The following ZNF578 variants were observed in gnomAD, a reference collection of about 807,000 sequenced individuals.
The protein encoded by ZNF578 is Putative chemokine-related protein B42.
In ZNF578, 8 loss-of-function variants were observed where a neutral mutation model predicts 8.3. The ratio of observed to expected loss-of-function variants is 0.96; its 90% CI spans 0.56 to 1.74. ZNF578 has a LOEUF of 1.74. ZNF578 is among the 40% of genes most tolerant of loss of function. The probability of loss-of-function intolerance (pLI) is 0.00; values close to 1 mark genes in which losing one functional copy is unlikely to be tolerated. For synonymous variants in ZNF578, 206 were observed against 232.2 expected (o/e 0.89, Z 1.03); for missense variants, 726 against 707.5 (o/e 1.03, Z -0.30).
chr19:52,506,859 C>T (rs1365558537), intron 5 of ZNF578, among the ~76,000 whole-genome samples: 3 of 152,216 alleles, frequency 2.0e-5, no homozygotes, highest in Non-Finnish European at 4.4e-5. Flanking sequence ...ACAGGACAGA[C>T]TCTAAACTTC....
chr19:52,492,388 C>T, intron 3 of ZNF578, among the ~76,000 whole-genome samples: 1 of 152,160 alleles, frequency 6.6e-6, no homozygotes, highest in Non-Finnish European at 1.5e-5. Context: ...CCTGAGCACT[C>T]AGTCCCGCAT....
Position 52,511,886 on chromosome 19 carries a change from G to T in ZNF578, c.1505G>T (p.Arg502Leu). ...FSHRSSLPCH[R>L]RLHSGEKPYK... The stretch of plus-strand genomic sequence containing the variant: ...CACAGGTCATCTCTTCCATGCCATC[G>T]TAGACTTCATAGTGGTGAGAAACCT... The change falls in exon 6 of 6, where the codon CGT becomes CTT. Residue 502 changes from arginine (R) to leucine (L), a missense_variant. Physicochemically the swap from Arg to Leu is moderately radical, Grantham distance 102. Coordinates refer to ENST00000421239, the MANE Select transcript of ZNF578 (RefSeq NM_001099694.2). 1 of 1,612,538 alleles carries T rather than the reference G, an allele frequency of 6.2e-7. No individual in the cohort carries two copies. Among genetic ancestry groups the T allele is most frequent in the South Asian group, 1.1e-5 (1 of 91,012 alleles).
At chr19:52,492,392 C>T (rs1424749787) in intron 3 of ZNF578, among the ~76,000 whole-genome samples, 1 of 152,118 alleles carries the variant, frequency 6.6e-6, no homozygotes, top group East Asian at 1.9e-4. Context: ...AGCACTCAGT[C>T]CCGCATCCCA....
intron 2 of ZNF578, among the ~76,000 whole-genome samples, chr19:52,464,203 A>T (rs867562906): frequency 1.4e-4 from 22 of 152,224 alleles, no homozygotes; most frequent in African/African-American, 5.3e-4. Context: ...AATCACCATT[A>T]GGGAGTGCAA....
intron 2 of ZNF578, among the ~76,000 whole-genome samples, chr19:52,471,912 T>C (rs2059292950): frequency 1.4e-5 from 2 of 143,656 alleles, no homozygotes; most frequent in Non-Finnish European, 3.0e-5. Context: ...AGAAAATGTA[T>C]GAAGATTAGT....
At chr19:52,465,791 C>T (rs2059273073) in intron 2 of ZNF578, among the ~76,000 whole-genome samples, 1 of 152,222 alleles carries the variant, frequency 6.6e-6, no homozygotes, top group African/African-American at 2.4e-5. Flanking sequence ...CTGGCTTTCT[C>T]TGAGTGCCTC....
chr19:52,493,441 AC>A (rs1005807959), intron 3 of ZNF578, among the ~76,000 whole-genome samples: 2 of 151,284 alleles, frequency 1.3e-5, no homozygotes, highest in Admixed American at 1.3e-4. Context: ...GCCCAGTTCC[AC>A]CCCCCGGAAA....
intron 2 of ZNF578, among the ~76,000 whole-genome samples, chr19:52,459,713 A>ATGTGTGTATATATATGTGTGTG: frequency 5.5e-5 from 1 of 18,240 alleles, no homozygotes; most frequent in East Asian, 8.6e-4. Flanking sequence ...ATATGTAGAT[A>ATGTGTGTATATATATGTGTGTG]TGTGTGTGTG....
At chr19:52,504,922 C>T (rs1357357267) in intron 5 of ZNF578, 141 bp downstream of exon 5, 3 of 1,477,942 alleles carry the variant, frequency 2.0e-6, no homozygotes, top group East Asian at 4.6e-5. Flanking sequence ...TGGATCTTTG[C>T]TCTTGTTTCC....
intron 3 of ZNF578, among the ~76,000 whole-genome samples, chr19:52,496,467 C>T (rs1254710350): frequency 2.1e-5 from 3 of 141,064 alleles, no homozygotes; most frequent in Non-Finnish European, 3.1e-5. Flanking sequence ...GTAGCTGGGA[C>T]TACATGCGCC....
intron 2 of ZNF578, among the ~76,000 whole-genome samples, chr19:52,490,322 G>A (rs1223034578): frequency 6.6e-6 from 1 of 152,112 alleles, no homozygotes; most frequent in East Asian, 1.9e-4. Flanking sequence ...TTACTTGAAC[G>A]CATACATCAG....
Position 52,513,337 on chromosome 19 carries a change from C to CT in ZNF578, c.*1207dup, listed in dbSNP as rs11318311. Reference sequence around the variant, plus strand: ...GCGCCTGGCATTGTTTCTTCTTTTCCTTTTTTTTTTTTTTTTTTTTTTTTG... The same window carrying CT: ...GCGCCTGGCATTGTTTCTTCTTTTCCTTTTTTTTTTTTTTTTTTTTTTTTTG... On this transcript the variant is annotated 3_prime_UTR_variant, in exon 6 of 6. Transcript: ENST00000421239. 0.029 allele frequency among the ~76,000 whole-genome samples: 2,921 copies of CT among 100,908 alleles called. 48 individuals carry two copies. Among genetic ancestry groups the CT allele is most frequent in the Non-Finnish European group, 0.034 (1,727 of 50,884 alleles). 66.2% of individuals were successfully genotyped at this position (100,908 alleles called of 152,430 possible).
chr19:52,470,524 A>G (rs1192443671), intron 2 of ZNF578, among the ~76,000 whole-genome samples: 1 of 152,128 alleles, frequency 6.6e-6, no homozygotes, highest in East Asian at 1.9e-4. Flanking sequence ...TTGTTTCTGG[A>G]TATGTCAGTG....
chr19:52,498,911 T>C (rs1342711427), intron 3 of ZNF578, among the ~76,000 whole-genome samples: 1 of 152,124 alleles, frequency 6.6e-6, no homozygotes, highest in Non-Finnish European at 1.5e-5. Context: ...TCAGACTTCT[T>C]GGCTCAAGTG....
At chr19:52,467,249 G>A (rs1016612346) in intron 2 of ZNF578, among the ~76,000 whole-genome samples, 7 of 152,064 alleles carry the variant, frequency 4.6e-5, no homozygotes, top group Non-Finnish European at 1.0e-4. Flanking sequence ...GACCTCAAGT[G>A]ATCTGCTGGC....
intron 2 of ZNF578, among the ~76,000 whole-genome samples, chr19:52,462,852 T>C (rs1036104589): frequency 6.6e-6 from 1 of 152,180 alleles, no homozygotes; most frequent in African/African-American, 2.4e-5. Flanking sequence ...CCTGGGGAAA[T>C]ACAAGCAAAC....
chr19:52,477,773 G>T (rs185700415), intron 2 of ZNF578, among the ~76,000 whole-genome samples: 1 of 152,054 alleles, frequency 6.6e-6, no homozygotes, highest in East Asian at 1.9e-4. Context: ...GCCAGTGCAT[G>T]TTTACAATCT....
chr19:52,465,520 G>A (rs1485859847), intron 2 of ZNF578, among the ~76,000 whole-genome samples: 1 of 152,126 alleles, frequency 6.6e-6, no homozygotes, highest in African/African-American at 2.4e-5. Flanking sequence ...AGTGCTGCAC[G>A]CACCAATGAC....
chr19:52,458,942 CCCT>C (rs1049646674), intron 2 of ZNF578: 1 of 151,862 alleles, frequency 6.6e-6, no homozygotes, highest in African/African-American at 2.4e-5. Context: ...TTTGGAAAAC[CCCT>C]CCATTTTGTT....
Sources: allele counts gnomAD v4.1 joint callset (sites outside exome capture counted in the v4.1 genomes callset), GRCh38; gene constraint gnomAD v4.1.1; transcripts MANE v1.5; gene names NCBI Gene and HGNC (gene_info 2026-07-23, HGNC 2026-07-21).